Variants in GPHN observed in about 807,000 individuals in gnomAD.
The protein encoded by GPHN is gephyrin.
In GPHN, 17 loss-of-function variants were observed where a neutral mutation model predicts 95.5. That is an observed-to-expected ratio of 0.18 (90% CI 0.12 to 0.27). The LOEUF (loss-of-function observed/expected upper bound fraction) is 0.27. Ranked by LOEUF, GPHN falls within the 10% of genes least tolerant of loss-of-function variation. GPHN has a pLI of 1.00. For missense variants in GPHN, 660 were observed against 978.1 expected, an observed-to-expected ratio of 0.67 and a Z score of 4.34; for synonymous variants, 320 against 322.5, an observed-to-expected ratio of 0.99 and a Z score of 0.08.
the GPHN span, among the ~76,000 whole-genome samples, chr14:67,535,201 G>C: frequency 4.6e-5 from 7 of 152,132 alleles, no homozygotes; most frequent in Non-Finnish European, 1.5e-5. Context: ...AGAACACACA[G>C]AAACCTGTAA....
the GPHN span, chr14:67,199,693 T>A: frequency 6.3e-7 from 1 of 1,583,450 alleles, no homozygotes; most frequent in Non-Finnish European, 8.7e-7. Context: ...ATCAGCTGTT[T>A]GCAGATGCAC....
chr14:67,309,607 T>C, the GPHN span, among the ~76,000 whole-genome samples: 7 of 152,152 alleles, frequency 4.6e-5, no homozygotes, highest in African/African-American at 1.4e-4. Flanking sequence ...CAAGAGTACA[T>C]GGAAAAGCAT....
chr14:67,561,960 A>G, the GPHN span: 2 of 1,612,604 alleles, frequency 1.2e-6, no homozygotes, highest in Middle Eastern at 1.7e-4. Context: ...TCAGCTTGAG[A>G]TGGAGAATCA....
the GPHN span, chr14:67,541,945 C>T: frequency 1.9e-6 from 3 of 1,607,540 alleles, no homozygotes; most frequent in Non-Finnish European, 2.5e-6. Context: ...CTCAGCTTTT[C>T]CGGTTCCGCC....
chr14:67,674,236 G>A, the GPHN span: 1 of 728,338 alleles, frequency 1.4e-6, no homozygotes, highest in Non-Finnish European at 2.1e-6. Flanking sequence ...CTGGGGCTGG[G>A]ACAAGCCAGC....
intron 1 of GPHN, among the ~76,000 whole-genome samples, chr14:66,660,389 T>A (rs770168386): frequency 1.3e-5 from 2 of 152,246 alleles, no homozygotes; most frequent in African/African-American, 2.4e-5. Context: ...CCCATATATT[T>A]GCCTACTATT....
intron 3 of GPHN, among the ~76,000 whole-genome samples, chr14:66,777,297 C>A (rs1465444017): frequency 6.6e-6 from 1 of 152,100 alleles, no homozygotes; most frequent in Non-Finnish European, 1.5e-5. Flanking sequence ...TCTGAATAGA[C>A]CAATAACAGG....
intron 1 of GPHN, among the ~76,000 whole-genome samples, chr14:66,618,404 T>A (rs1333568470): frequency 6.6e-6 from 1 of 152,202 alleles, no homozygotes; most frequent in Non-Finnish European, 1.5e-5. Flanking sequence ...CATACATTTG[T>A]GTTGAATTTT....
At position 67,053,314 on chromosome 14, in the gene GPHN, C is replaced by T. The variant is rs183710465; in HGVS notation, c.1007-5335C>T. On this transcript the variant is annotated intron_variant, in intron 10 of 22. Coordinates refer to ENST00000478722, the MANE Select transcript of GPHN (RefSeq NM_020806.5). ...CTGACCCCACAGAAATATGAACAAC[C>T]ATCAGAGAATACTATAAACACCTCT... Among the ~76,000 whole-genome samples, 11 of 151,824 alleles carry T rather than the reference C, an allele frequency of 7.2e-5. No individual in the cohort carries two copies. The East Asian group carries it at 7.7e-4, about 11-fold the overall frequency.
the GPHN span, among the ~76,000 whole-genome samples, chr14:67,474,444 TTGC>T: frequency 1.3e-5 from 2 of 152,142 alleles, no homozygotes; most frequent in Admixed American, 6.5e-5. Flanking sequence ...TCTAGACTAC[TTGC>T]TGATTTCTCA....
intron 18 of GPHN, among the ~76,000 whole-genome samples, chr14:67,157,556 G>A (rs930743503): frequency 1.3e-5 from 2 of 152,166 alleles, no homozygotes; most frequent in Non-Finnish European, 2.9e-5. Context: ...AGATGCGGTT[G>A]TTCACACCTG....
chr14:67,046,602 T>G (rs1408974935), intron 10 of GPHN, among the ~76,000 whole-genome samples: 1 of 152,214 alleles, frequency 6.6e-6, no homozygotes, highest in East Asian at 1.9e-4. Flanking sequence ...ATCATCTTTA[T>G]GTACAGAAAT....
At position 66,937,666 on chromosome 14, in the gene GPHN, C is replaced by T. The variant is rs529213294; in HGVS notation, c.828+13374C>T. The stretch of plus-strand genomic sequence containing the variant: ...GTGCTGGATTACAGGCATGAGCCAC[C>T]GCACCTGGCCGCAAGATTATTAATT... On this transcript the variant is annotated intron_variant, in intron 8 of 22. Coordinates refer to ENST00000478722, the MANE Select transcript of GPHN (RefSeq NM_020806.5). 1.1e-4 allele frequency among the ~76,000 whole-genome samples: 16 copies of T among 152,218 alleles called. No individual in the cohort carries two copies. In the South Asian group the frequency reaches 2.3e-3, roughly 22 times the overall value.
chr14:66,554,350 G>A (rs2059930623), intron 1 of GPHN, among the ~76,000 whole-genome samples: 2 of 152,084 alleles, frequency 1.3e-5, no homozygotes, highest in African/African-American at 2.4e-5. Context: ...TTTTGTATTC[G>A]TCCATTCTCA....
intron 9 of GPHN, among the ~76,000 whole-genome samples, chr14:67,020,336 G>C (rs936896455): frequency 1.3e-5 from 2 of 152,116 alleles, no homozygotes; most frequent in South Asian, 4.1e-4. Flanking sequence ...CCATAATGAA[G>C]AGCTGACTTT....
chr14:67,054,270 A>C (rs1159204305), intron 10 of GPHN, among the ~76,000 whole-genome samples: 1 of 152,218 alleles, frequency 6.6e-6, no homozygotes, highest in Admixed American at 6.5e-5. Context: ...GTACAAAATC[A>C]ATGTGCAAAA....
intron 1 of GPHN, among the ~76,000 whole-genome samples, chr14:66,547,150 A>G (rs893284274): frequency 6.6e-6 from 1 of 152,148 alleles, no homozygotes; most frequent in Admixed American, 6.5e-5. Context: ...AATTAGAATT[A>G]AAGCAGGAGG....
the GPHN span, among the ~76,000 whole-genome samples, chr14:67,238,304 T>G: frequency 6.7e-6 from 1 of 150,330 alleles, no homozygotes; most frequent in African/African-American, 2.5e-5. Context: ...GGTCTTGCTC[T>G]GTTGCTCAGG....
chr14:66,606,459 A>G (rs1362127168), intron 1 of GPHN, among the ~76,000 whole-genome samples: 4 of 151,970 alleles, frequency 2.6e-5, no homozygotes, highest in African/African-American at 9.7e-5. Context: ...GCGATTTGGG[A>G]TCTGCTTTTG....
Sources: allele counts gnomAD v4.1 joint callset (sites outside exome capture counted in the v4.1 genomes callset), GRCh38; gene constraint gnomAD v4.1.1; transcripts MANE v1.5; gene names NCBI Gene and HGNC (gene_info 2026-07-23, HGNC 2026-07-21).